AMPD3: variants seen among roughly 807,000 people sequenced by gnomAD.
AMPD3 encodes adenosine monophosphate deaminase 3.
A neutral mutation model predicts 82.3 loss-of-function variants in AMPD3; 57 were observed. The observed-to-expected ratio is 0.69, with a 90% confidence interval of 0.56 to 0.86. The LOEUF (loss-of-function observed/expected upper bound fraction) is 0.86. Among genes scored for constraint, AMPD3 ranks in the 40% least tolerant of loss-of-function variants. The probability of loss-of-function intolerance (pLI) is 0.00; values close to 1 mark genes in which losing one functional copy is unlikely to be tolerated. For missense variants in AMPD3, 870 were observed against 1,003.8 expected (o/e 0.87, Z 1.80); for synonymous variants, 381 against 394.7 (o/e 0.97, Z 0.41).
intron 11 of AMPD3, 89 bp downstream of exon 11, chr11:10,500,338 C>A: frequency 6.0e-6 from 9 of 1,507,524 alleles, no homozygotes; most frequent in South Asian, 2.3e-5. Flanking sequence ...TGCATGTGAT[C>A]CTTGTGTCCG....
At chr11:10,489,666 T>C (rs991249210) in intron 6 of AMPD3, among the ~76,000 whole-genome samples, 1 of 151,924 alleles carries the variant, frequency 6.6e-6, no homozygotes, top group Non-Finnish European at 1.5e-5. Context: ...TGCTGCCTAC[T>C]TGATAGCACT....
At position 10,500,152 on chromosome 11, in the gene AMPD3, C is replaced by A; in HGVS notation, c.1624C>A (p.Pro542Thr). 1 of 1,614,174 alleles carries A rather than the reference C, an allele frequency of 6.2e-7. No homozygotes were observed. The highest frequency in any genetic ancestry group is 8.5e-7 in the Non-Finnish European group (1 of 1,180,032). Reference sequence around the variant, plus strand: ...CGACCACATGTTTTCCGACAAGAGCCCAAACCCGGACGTCTGGACCAGTGA... The same window carrying A: ...CGACCACATGTTTTCCGACAAGAGCACAAACCCGGACGTCTGGACCAGTGA... ...HSDHMFSDKS[P>T]NPDVWTSEQN... The change falls in exon 11 of 15, where the codon CCA becomes ACA. Residue 542 changes from proline to threonine, a missense_variant. By Grantham distance (38) the Pro-to-Thr change is conservative. Transcript: ENST00000396553.
At chr11:10,459,170 G>A (rs1052346393) in intron 1 of AMPD3, among the ~76,000 whole-genome samples, 7 of 152,130 alleles carry the variant, frequency 4.6e-5, no homozygotes, top group East Asian at 3.8e-4. Context: ...ACAGTTGTGT[G>A]TTGACAGGCT....
intron 7 of AMPD3, chr11:10,494,535 A>G: frequency 1.0e-6 from 1 of 985,194 alleles, no homozygotes; most frequent in Middle Eastern, 5.2e-4. Flanking sequence ...TAAACAAAAC[A>G]TTGAATGATA....
chr11:10,481,469 C>A (rs1197745878), intron 3 of AMPD3: 1 of 985,288 alleles, frequency 1.0e-6, no homozygotes, highest in Non-Finnish European at 1.2e-6. Context: ...CAGGCTGGAG[C>A]ACTTGTCTGT....
At chr11:10,492,492 G>T (rs781450536) in intron 6 of AMPD3, among the ~76,000 whole-genome samples, 42 of 152,324 alleles carry the variant, frequency 2.8e-4, no homozygotes, top group Admixed American at 7.2e-4. Flanking sequence ...AATGCTCTGA[G>T]GGTTCTGAGA....
In AMPD3 at chr11:10,456,356, C is replaced by T. The variant is rs771043909; in HGVS notation, c.-6+908C>T. On this transcript the variant is annotated intron_variant, in intron 1 of 14. Coordinates refer to ENST00000396553, the MANE Select transcript of AMPD3 (RefSeq NM_001025389.2). This position sits in a 1 kb window ranked among gnomAD's most constrained non-coding sequence, Gnocchi z 4.3. ...TGGCAGGCAGCACCTCACCCGGGTG[C>T]ATCACTTGAGTGGCATCTTCAGGAC... is the stretch of plus-strand genomic sequence containing the variant. The T allele has an allele frequency of 6.2e-7, 1 of 1,613,632 alleles. No homozygotes were observed. Among genetic ancestry groups the T allele is most frequent in the Non-Finnish European group, 8.5e-7 (1 of 1,179,614 alleles).
At chr11:10,478,404 A>G in intron 2 of AMPD3, 122 bp from the exon 3 acceptor site, 2 of 1,576,152 alleles carry the variant, frequency 1.3e-6, no homozygotes, top group Non-Finnish European at 1.7e-6. Flanking sequence ...TCTTAATGGT[A>G]GGGCCAGCAC....
At chr11:10,461,049 C>T in intron 1 of AMPD3, 1 of 1,152,814 alleles carries the variant, frequency 8.7e-7, no homozygotes, top group African/African-American at 1.6e-5. Flanking sequence ...TCCCAGGGCT[C>T]TGCTGTAATC....
At chr11:10,480,387 T>C (rs1030717029) in intron 3 of AMPD3, among the ~76,000 whole-genome samples, 1 of 152,188 alleles carries the variant, frequency 6.6e-6, no homozygotes, top group Admixed American at 6.5e-5. Context: ...CGGTGTCTGC[T>C]CACCTATTCC....
rs1848090542 is a variant in AMPD3, at chr11:10,456,278, A to G, written c.-6+830A>G. On this transcript the variant is annotated intron_variant, in intron 1 of 14. Coordinates refer to ENST00000396553, the MANE Select transcript of AMPD3 (RefSeq NM_001025389.2). This position sits in a 1 kb window ranked among gnomAD's most constrained non-coding sequence, Gnocchi z 4.3. ...ACAGAGACCTCCTACTCCAGCCGGCAGACAGGACCCAGCCAGCTGCACGCA... is the reference window on the plus strand; with the variant it reads ...ACAGAGACCTCCTACTCCAGCCGGCGGACAGGACCCAGCCAGCTGCACGCA... 1 of 1,578,994 alleles carries G rather than the reference A, an allele frequency of 6.3e-7. No homozygotes were observed. The highest frequency in any genetic ancestry group is 1.4e-5 in the African/African-American group (1 of 74,034).
intron 1 of AMPD3, among the ~76,000 whole-genome samples, chr11:10,458,254 TAAAAA>T (rs374036957): frequency 1.1e-5 from 1 of 91,462 alleles, no homozygotes; most frequent in Non-Finnish European, 2.1e-5. Context: ...ACCTCATCTC[TAAAAA>T]AAAAAAAAAA....
rs899800503 is a variant in AMPD3 at position 10,456,519 on chromosome 11, GAA to G, written c.-6+1074_-6+1075del. 7.5e-6 allele frequency: 12 copies of G among 1,608,078 alleles called. No homozygotes were observed. Among genetic ancestry groups the G allele is most frequent in the Admixed American group, 1.7e-5 (1 of 58,878 alleles). On this transcript the variant is annotated intron_variant, in intron 1 of 14. Coordinates refer to ENST00000396553, the MANE Select transcript of AMPD3 (RefSeq NM_001025389.2). This position sits in a 1 kb window ranked among gnomAD's most constrained non-coding sequence, Gnocchi z 4.3. ...CTTTCTGGAGGGACTGTGGCACCAT[GAA>G]AAGTTACTGTTTGTTGAAACTGGCA...
At chr11:10,477,403 G>T (rs967085350) in intron 2 of AMPD3, among the ~76,000 whole-genome samples, 1 of 152,196 alleles carries the variant, frequency 6.6e-6, no homozygotes, top group African/African-American at 2.4e-5. Context: ...TCCACTGGGG[G>T]CAGACAGAAA....
intron 9 of AMPD3, chr11:10,496,259 C>T (rs1849396701): frequency 1.0e-6 from 1 of 985,222 alleles, no homozygotes; most frequent in South Asian, 4.7e-5. Context: ...TGTGCAAAGG[C>T]CTTGGGGGAA....
At chr11:10,468,045 A>G (rs940448050) in intron 2 of AMPD3, among the ~76,000 whole-genome samples, 1 of 152,256 alleles carries the variant, frequency 6.6e-6, no homozygotes, top group Non-Finnish European at 1.5e-5. Context: ...AGCAACCGGT[A>G]CCAGCCACTG....
chr11:10,498,019 G>A (rs1039255678), intron 10 of AMPD3, among the ~76,000 whole-genome samples: 2 of 152,190 alleles, frequency 1.3e-5, no homozygotes, highest in Non-Finnish European at 2.9e-5. Flanking sequence ...GACACACAAG[G>A]AAATTAAAAC....
intron 4 of AMPD3, chr11:10,484,250 G>C: frequency 1.0e-6 from 1 of 985,312 alleles, no homozygotes; most frequent in Non-Finnish European, 1.2e-6. Flanking sequence ...TATAGTGGTT[G>C]GGGGCAGATG....
At chr11:10,484,205 T>C (rs1432713627) in intron 4 of AMPD3, 4 of 983,286 alleles carry the variant, frequency 4.1e-6, no homozygotes, top group Non-Finnish European at 4.8e-6. Flanking sequence ...ATAGAGGAGT[T>C]TTCTACCTCC....
Sources: gnomAD v4.1 joint callset for allele counts (sites outside exome capture counted in the v4.1 genomes callset) on GRCh38, gnomAD v4.1.1 for gene constraint, Gnocchi (gnomAD v3.1) non-coding constraint, MANE v1.5 for transcripts, NCBI Gene and HGNC (gene_info 2026-07-23, HGNC 2026-07-21) for gene names.